The following CERS3 variants were observed in gnomAD, a reference collection of about 807,000 sequenced individuals.
CERS3 encodes the protein LAG1 homolog, ceramide synthase 3.
Under a neutral mutation model 50.3 loss-of-function variants are expected in CERS3, and 33 were observed. The observed-to-expected ratio is 0.66, with a 90% CI of 0.50 to 0.88. CERS3 has a LOEUF of 0.88. Ranked by LOEUF, CERS3 falls within the 40% of genes least tolerant of loss-of-function variation. The pLI is 0.00. For missense variants in CERS3, 470 were observed against 460.3 expected (o/e 1.02, Z -0.19); for synonymous variants, 176 against 155.2 (o/e 1.13, Z -0.99).
intron 11 of CERS3, among the ~76,000 whole-genome samples, chr15:100,414,295 G>C (rs1488798833): frequency 6.6e-6 from 1 of 152,072 alleles, no homozygotes; most frequent in Non-Finnish European, 1.5e-5. Context: ...CAAACAAATG[G>C]AAAAACATTC....
chr15:100,514,513 A>C (rs2036438558), intron 2 of CERS3, among the ~76,000 whole-genome samples: 1 of 152,190 alleles, frequency 6.6e-6, no homozygotes, highest in African/African-American at 2.4e-5. Flanking sequence ...AAAACTGGAC[A>C]CAATTTTTGA....
At chr15:100,499,224 T>A (rs1322769545) in intron 3 of CERS3, among the ~76,000 whole-genome samples, 2 of 152,230 alleles carry the variant, frequency 1.3e-5, no homozygotes, top group African/African-American at 2.4e-5. Flanking sequence ...TCTGAGACAA[T>A]GTGTTTATTC....
intron 11 of CERS3, among the ~76,000 whole-genome samples, chr15:100,453,124 G>A (rs1266130237): frequency 6.6e-6 from 1 of 151,884 alleles, no homozygotes; most frequent in Non-Finnish European, 1.5e-5. Context: ...AAATTAAGTG[G>A]AGGGAATTCT....
In CERS3 at chr15:100,525,590, G is replaced by A. The variant is rs369984167; in HGVS notation, c.-92+3223C>T. 4.6e-5 allele frequency among the ~76,000 whole-genome samples: 7 copies of A among 152,200 alleles called. No individual in the cohort carries two copies. The East Asian group carries it at 5.8e-4, about 13-fold the overall frequency. ...ATTGAACATCTGTCCACCATCAACAGAAAGCCCTGTGGAGAATTGTGGCTG... is the reference window on the plus strand; with the variant it reads ...ATTGAACATCTGTCCACCATCAACAAAAAGCCCTGTGGAGAATTGTGGCTG... On this transcript the variant is annotated intron_variant, in intron 1 of 11. Coordinates refer to ENST00000679737, the MANE Select transcript of CERS3 (RefSeq NM_001378789.1).
chr15:100,473,091 C>T (rs781178842), intron 8 of CERS3, 39 bp from the exon 9 acceptor site: 3 of 1,578,294 alleles, frequency 1.9e-6, no homozygotes, highest in Middle Eastern at 1.7e-4. Flanking sequence ...TAAGGAAATG[C>T]ATTTATTTCC....
intron 8 of CERS3, among the ~76,000 whole-genome samples, chr15:100,475,561 A>T (rs927016554): frequency 1.3e-5 from 2 of 152,162 alleles, no homozygotes; most frequent in Non-Finnish European, 1.5e-5. Context: ...AAAATACCTC[A>T]CTTTGTGACT....
chr15:100,506,273 A>C (rs1369635168), intron 2 of CERS3, among the ~76,000 whole-genome samples: 1 of 152,234 alleles, frequency 6.6e-6, no homozygotes, highest in African/African-American at 2.4e-5. Context: ...TCCAGTTTAA[A>C]AATGAGCAAA....
intron 11 of CERS3, among the ~76,000 whole-genome samples, chr15:100,454,918 G>A (rs2034310506): frequency 6.6e-6 from 1 of 152,036 alleles, no homozygotes; most frequent in Admixed American, 6.6e-5. Flanking sequence ...TTAAAAAGGG[G>A]CAAAGGACAT....
intron 11 of CERS3, among the ~76,000 whole-genome samples, chr15:100,428,491 G>A (rs768594944): frequency 7.9e-5 from 12 of 152,160 alleles, no homozygotes; most frequent in Admixed American, 1.3e-4. Flanking sequence ...AGGTGATTCC[G>A]GGACCTTGCT....
chr15:100,479,560 A>G lies in CERS3; in HGVS notation c.466-82T>C, dbSNP rs541043803. 2.3e-4 allele frequency: 231 copies of G among 1,013,676 alleles called. 1 individual carries two copies. The African/African-American group carries it at 3.4e-3, about 15-fold the overall frequency. The allele number at this position is 1,013,676 out of a possible 1,614,324, so 62.8% of individuals were successfully genotyped here. ...AAGGTCAATTTTGGCAGAAAACCTAAGCTCTTCCTTATGTCATTTACAGCA... is the reference window on the plus strand; with the variant it reads ...AAGGTCAATTTTGGCAGAAAACCTAGGCTCTTCCTTATGTCATTTACAGCA... On this transcript the variant is annotated intron_variant, in intron 6 of 11. Coordinates refer to ENST00000679737, the MANE Select transcript of CERS3 (RefSeq NM_001378789.1).
chr15:100,540,655 C>T (rs922247210), intron 1 of CERS3, among the ~76,000 whole-genome samples: 2 of 152,230 alleles, frequency 1.3e-5, no homozygotes, highest in Admixed American at 1.3e-4. Flanking sequence ...ATAGCACAAA[C>T]TGCTTCTGCA....
At chr15:100,423,580 C>G (rs2032606716) in intron 11 of CERS3, among the ~76,000 whole-genome samples, 1 of 152,112 alleles carries the variant, frequency 6.6e-6, no homozygotes, top group African/African-American at 2.4e-5. Flanking sequence ...AGGGGTACAA[C>G]AGACACTAGG....
intron 10 of CERS3, among the ~76,000 whole-genome samples, chr15:100,469,121 C>T (rs1021633770): frequency 6.6e-6 from 1 of 152,218 alleles, no homozygotes; most frequent in East Asian, 1.9e-4. Context: ...ATCCATGAAA[C>T]AAGACAGAGT....
rs147853531 is a variant in CERS3, at chr15:100,437,064, C to A, written c.999+18829G>T. On this transcript the variant is annotated intron_variant, in intron 11 of 11. Transcript: ENST00000679737. ...GTTCATGCCATTCTCCTGCCTTGGCCTCCTGAGAAGCTGGGACTACAGGTG... is the reference window on the plus strand; with the variant it reads ...GTTCATGCCATTCTCCTGCCTTGGCATCCTGAGAAGCTGGGACTACAGGTG... Among the ~76,000 whole-genome samples the A allele has an allele frequency of 7.0e-3, 1,063 of 151,974 alleles. 12 individuals are homozygous for A. The highest frequency in any genetic ancestry group is 0.024 in the African/African-American group (1,001 of 41,412).
At chr15:100,411,645 T>A (rs2031498641) in intron 11 of CERS3, among the ~76,000 whole-genome samples, 2 of 152,158 alleles carry the variant, frequency 1.3e-5, no homozygotes, top group African/African-American at 4.8e-5. Flanking sequence ...TGCTTTCAAT[T>A]CTTTTAGATA....
intron 10 of CERS3, among the ~76,000 whole-genome samples, chr15:100,466,796 C>CCTCT (rs2034743249): frequency 1.3e-3 from 10 of 7,620 alleles, no homozygotes; most frequent in Non-Finnish European, 5.8e-3. Context: ...TTCCTTCCTC[C>CCTCT]CTCCCTCCCT....
chr15:100,404,973 T>A (rs2030874678), intron 11 of CERS3, among the ~76,000 whole-genome samples: 1 of 152,178 alleles, frequency 6.6e-6, no homozygotes. Context: ...GCCAGCTTAA[T>A]GGATCTAAAT....
intron 2 of CERS3, among the ~76,000 whole-genome samples, chr15:100,516,083 T>C (rs2036480473): frequency 1.3e-5 from 2 of 152,276 alleles, no homozygotes; most frequent in East Asian, 1.9e-4. Flanking sequence ...AGTTTTCCCA[T>C]TTGAGAGACT....
At chr15:100,527,305 A>T (rs1384233984) in intron 1 of CERS3, among the ~76,000 whole-genome samples, 2 of 152,180 alleles carry the variant, frequency 1.3e-5, no homozygotes, top group African/African-American at 4.8e-5. Flanking sequence ...TCAAAAAAAT[A>T]AAAAAGGAAT....
Sources: allele counts gnomAD v4.1 joint callset (sites outside exome capture counted in the v4.1 genomes callset), GRCh38; gene constraint gnomAD v4.1.1; transcripts MANE v1.5; gene names NCBI Gene and HGNC (gene_info 2026-07-23, HGNC 2026-07-21).